Variants in SORCS1 observed in about 807,000 individuals in gnomAD.
SORCS1 encodes VPS10 domain-containing receptor SorCS1.
A neutral mutation model predicts 146.1 loss-of-function variants in SORCS1; 60 were observed. That is an observed-to-expected ratio of 0.41 (90% CI 0.33 to 0.51). The LOEUF (loss-of-function observed/expected upper bound fraction) is 0.51, where lower values mean the gene tolerates loss of function less well. SORCS1 is among the 20% of genes least tolerant of loss of function. SORCS1 has a pLI of 0.21. For missense variants in SORCS1, 1,352 were observed against 1,487.6 expected, an observed-to-expected ratio of 0.91 and a Z score of 1.50; for synonymous variants, 637 against 584.0, an observed-to-expected ratio of 1.09 and a Z score of -1.31.
chr10:106,600,299 A>G, intron 23 of SORCS1: 2 of 961,408 alleles, frequency 2.1e-6, no homozygotes, highest in African/African-American at 1.8e-5. Context: ...AAATTTTAAG[A>G]AGGAAATTTA....
chr10:107,105,476 G>T (rs921499248), intron 1 of SORCS1, among the ~76,000 whole-genome samples: 1 of 152,186 alleles, frequency 6.6e-6, no homozygotes, highest in African/African-American at 2.4e-5. Flanking sequence ...GTCCCAAAAC[G>T]TCAGAAGTCG....
At chr10:106,761,345 C>T (rs1450674911) in intron 5 of SORCS1, among the ~76,000 whole-genome samples, 1 of 152,180 alleles carries the variant, frequency 6.6e-6, no homozygotes, top group African/African-American at 2.4e-5. Flanking sequence ...AAAGCCCCTG[C>T]AGTTCACTAA....
At chr10:106,644,531 T>C (rs2133700983) in intron 18 of SORCS1, among the ~76,000 whole-genome samples, 1 of 152,106 alleles carries the variant, frequency 6.6e-6, no homozygotes, top group African/African-American at 2.4e-5. Flanking sequence ...CACGCCCAGC[T>C]AATTTCTGTA....
chr10:107,100,348 C>T (rs1964829346), intron 1 of SORCS1, among the ~76,000 whole-genome samples: 1 of 151,988 alleles, frequency 6.6e-6, no homozygotes, highest in African/African-American at 2.4e-5. Context: ...CCCGTCTCTA[C>T]TAAAAATACA....
At chr10:106,714,156 A>AAAG in intron 6 of SORCS1, among the ~76,000 whole-genome samples, 1 of 150,628 alleles carries the variant, frequency 6.6e-6, no homozygotes, top group East Asian at 1.9e-4. Context: ...AAAAAAAAAA[A>AAAG]AAAAAAAGAT....
chr10:106,681,498 G>A (rs962475660), intron 10 of SORCS1, among the ~76,000 whole-genome samples: 1 of 152,164 alleles, frequency 6.6e-6, no homozygotes, highest in African/African-American at 2.4e-5. Context: ...GCAATATCAA[G>A]TAATGCTTTT....
chr10:107,023,031 T>C (rs2133881368), intron 1 of SORCS1, among the ~76,000 whole-genome samples: 1 of 152,280 alleles, frequency 6.6e-6, no homozygotes, highest in East Asian at 1.9e-4. Flanking sequence ...AGACGATAAG[T>C]GGTCAGTCCA....
At chr10:106,769,276 G>A (rs745333894) in intron 4 of SORCS1, among the ~76,000 whole-genome samples, 1 of 151,986 alleles carries the variant, frequency 6.6e-6, no homozygotes, top group Non-Finnish European at 1.5e-5. Context: ...ACAAGGTCAG[G>A]AGTTTGAGGC....
At chr10:106,925,686 A>G (rs1331759785) in intron 2 of SORCS1, among the ~76,000 whole-genome samples, 1 of 152,242 alleles carries the variant, frequency 6.6e-6, no homozygotes, top group Non-Finnish European at 1.5e-5. Context: ...TTGTTCATGC[A>G]GCATTTTACA....
intron 3 of SORCS1, among the ~76,000 whole-genome samples, chr10:106,815,933 AT>A (rs1471512161): frequency 6.6e-6 from 1 of 152,206 alleles, no homozygotes; most frequent in Admixed American, 6.5e-5. Context: ...TAGATCTTGA[AT>A]TTTAAATCAA....
intron 1 of SORCS1, among the ~76,000 whole-genome samples, chr10:107,108,117 G>T (rs775161590): frequency 6.6e-6 from 1 of 152,116 alleles, no homozygotes; most frequent in Non-Finnish European, 1.5e-5. Flanking sequence ...TGAGCTGTTG[G>T]TTGTGAGCAA....
chr10:106,819,564 G>A (rs1947913130), intron 3 of SORCS1, among the ~76,000 whole-genome samples: 1 of 152,166 alleles, frequency 6.6e-6, no homozygotes, highest in African/African-American at 2.4e-5. Flanking sequence ...GTATGAGGGA[G>A]TAGCTAAGAG....
At chr10:106,729,961 C>T in intron 6 of SORCS1, 89 bp downstream of exon 6, 3 of 1,473,730 alleles carry the variant, frequency 2.0e-6, no homozygotes, top group South Asian at 1.1e-5. Context: ...ACTCTGCATA[C>T]ACCATGAGAT....
At position 106,587,837 on chromosome 10, in the gene SORCS1, AT is replaced by A. The variant is rs371997440; in HGVS notation, c.3266-8364del. On this transcript the variant is annotated intron_variant, in intron 24 of 25. Coordinates refer to ENST00000263054, the MANE Select transcript of SORCS1 (RefSeq NM_052918.5). ...GGAGGTAGAAGCAAAGTTCCTGTGT[AT>A]TTTTTTTGGGGGGGGTCATGTTTTT... Among the ~76,000 whole-genome samples, 41 of 151,848 alleles carry A rather than the reference AT, an allele frequency of 2.7e-4. No individual in the cohort carries two copies. The South Asian group carries it at 4.0e-3, about 15-fold the overall frequency.
At chr10:106,645,749 CAT>C (rs1263745168) in intron 18 of SORCS1, among the ~76,000 whole-genome samples, 1 of 151,714 alleles carries the variant, frequency 6.6e-6, no homozygotes, top group Admixed American at 6.6e-5. Context: ...TAATAAAAAA[CAT>C]AACAAAATAA....
chr10:106,886,257 T>G (rs1950997058), intron 2 of SORCS1, among the ~76,000 whole-genome samples: 2 of 152,104 alleles, frequency 1.3e-5, no homozygotes, highest in Non-Finnish European at 2.9e-5. Flanking sequence ...AGTGAGACTC[T>G]GTTTCAAAAC....
chr10:106,706,043 T>C (rs1854494544), intron 8 of SORCS1, among the ~76,000 whole-genome samples: 1 of 152,346 alleles, frequency 6.6e-6, no homozygotes, highest in African/African-American at 2.4e-5. Context: ...GGACGGCAGC[T>C]GTTGCACTGA....
intron 1 of SORCS1, among the ~76,000 whole-genome samples, chr10:106,962,128 G>A (rs1285634106): frequency 6.6e-6 from 1 of 151,852 alleles, no homozygotes; most frequent in Admixed American, 6.6e-5. Flanking sequence ...GGCTGGGCGT[G>A]GTGGCTCATG....
chr10:106,958,693 A>G (rs1462568418), intron 1 of SORCS1, among the ~76,000 whole-genome samples: 1 of 152,190 alleles, frequency 6.6e-6, no homozygotes, highest in African/African-American at 2.4e-5. Context: ...TTCTTTAGCA[A>G]AACGTGAGCA....
Sources: gnomAD v4.1 joint callset for allele counts (sites outside exome capture counted in the v4.1 genomes callset) on GRCh38, gnomAD v4.1.1 for gene constraint, MANE v1.5 for transcripts, NCBI Gene and HGNC (gene_info 2026-07-23, HGNC 2026-07-21) for gene names.